Variants in SLC8A1 observed in about 807,000 individuals in gnomAD.
The protein encoded by SLC8A1 is solute carrier family 8 member A1.
A neutral mutation model predicts 68.3 loss-of-function variants in SLC8A1; 18 were observed. That is an observed-to-expected ratio of 0.26 (90% CI 0.18 to 0.39). The LOEUF is 0.39. Ranked by LOEUF, SLC8A1 falls within the 10% of genes least tolerant of loss-of-function variation. The pLI, the probability that SLC8A1 is intolerant of heterozygous loss-of-function variation, is 1.00. For missense variants in SLC8A1, 985 were observed against 1,156.7 expected (o/e 0.85, Z 2.15); for synonymous variants, 475 against 415.5 (o/e 1.14, Z -1.74).
rs1481563530 is a variant in SLC8A1 at position 40,160,761 on chromosome 2, T to G, written c.2161+4A>C. The G allele has an allele frequency of 6.2e-7, 1 of 1,612,038 alleles. No homozygotes were observed. ...ATTTATAATATGCAGAGAAAGGCAC[T>G]CACCAGCACTGACAGTGATAGCTTC... On this transcript the variant is annotated splice_donor_region_variant and intron_variant, in intron 6 of 7. Transcript: ENST00000406785.
chr2:40,254,654 C>T (rs2063589075), intron 2 of SLC8A1: 1 of 152,136 alleles, frequency 6.6e-6, no homozygotes, highest in Non-Finnish European at 1.5e-5. Context: ...AACACATACA[C>T]TCCAAGGTAA....
At chr2:40,162,925 G>T (rs909165893) in intron 5 of SLC8A1, among the ~76,000 whole-genome samples, 4 of 152,146 alleles carry the variant, frequency 2.6e-5, no homozygotes, top group Non-Finnish European at 2.9e-5. Flanking sequence ...ACAGTTCTGG[G>T]AGCTCTGAGT....
intron 2 of SLC8A1, among the ~76,000 whole-genome samples, chr2:40,344,513 T>C (rs1178729179): frequency 6.6e-6 from 1 of 152,170 alleles, no homozygotes; most frequent in Non-Finnish European, 1.5e-5. Flanking sequence ...TCTGGGAAAG[T>C]TCATCTTTGA....
chr2:40,265,073 A>AG (rs1559021801), intron 2 of SLC8A1, among the ~76,000 whole-genome samples: 1 of 152,112 alleles, frequency 6.6e-6, no homozygotes, highest in African/African-American at 2.4e-5. Flanking sequence ...CTTGGTGAAA[A>AG]TCTTCAAGTC....
At chr2:40,278,735 G>A (rs764343798) in intron 2 of SLC8A1, among the ~76,000 whole-genome samples, 13 of 151,850 alleles carry the variant, frequency 8.6e-5, no homozygotes, top group Middle Eastern at 6.3e-3. Context: ...ACTTCATCTC[G>A]CTTTTCTTTC....
chr2:40,151,357 AT>A (rs1415739072), intron 6 of SLC8A1, among the ~76,000 whole-genome samples: 1 of 152,140 alleles, frequency 6.6e-6, no homozygotes, highest in Non-Finnish European at 1.5e-5. Context: ...TTATATACGG[AT>A]TGGAAAACTT....
At chr2:40,354,481 A>G (rs1672081286) in intron 2 of SLC8A1, among the ~76,000 whole-genome samples, 3 of 152,134 alleles carry the variant, frequency 2.0e-5, no homozygotes, top group African/African-American at 7.2e-5. Flanking sequence ...TGGTTGTGGC[A>G]TTTGTGTCAA....
At chr2:40,499,246 G>A (rs1705900066) in intron 1 of SLC8A1, among the ~76,000 whole-genome samples, 1 of 152,022 alleles carries the variant, frequency 6.6e-6, no homozygotes, top group South Asian at 2.1e-4. Context: ...GGATAACATT[G>A]ACTTTAGAGT....
At chr2:40,497,037 C>A (rs555437055) in intron 1 of SLC8A1, among the ~76,000 whole-genome samples, 1 of 151,278 alleles carries the variant, frequency 6.6e-6, no homozygotes, top group Non-Finnish European at 1.5e-5. Flanking sequence ...AACTAACCTG[C>A]ACAATGTGCA....
chr2:40,391,185 A>AAATATTACACACACACG (rs1278116845), intron 2 of SLC8A1, among the ~76,000 whole-genome samples: 10 of 149,270 alleles, frequency 6.7e-5, no homozygotes, highest in African/African-American at 2.5e-4. Flanking sequence ...GTGTGTGTAT[A>AAATATTACACACACACG]TATATTACAC....
chr2:40,294,573 G>C (rs974067140), intron 2 of SLC8A1, among the ~76,000 whole-genome samples: 2 of 151,990 alleles, frequency 1.3e-5, no homozygotes, highest in African/African-American at 4.8e-5. Flanking sequence ...GAGAGAGAGA[G>C]GGATACATTC....
In SLC8A1 at chr2:40,482,647, G is replaced by T. The variant is rs75748634; in HGVS notation, c.-25+29702C>A. 7.0e-3 allele frequency among the ~76,000 whole-genome samples: 1,072 copies of T among 152,164 alleles called. 16 individuals carry two copies. Among genetic ancestry groups the T allele is most frequent in the African/African-American group, 0.025 (1,024 of 41,488 alleles). On this transcript the variant is annotated intron_variant, in intron 1 of 7. Coordinates refer to the SLC8A1 transcript ENST00000402441. Reference sequence around the variant, plus strand: ...ACACAGCTGGTAAGTGGCAGAGTGGGGATTTGAATCCAGACAGCCTGTCTC... The same window carrying T: ...ACACAGCTGGTAAGTGGCAGAGTGGTGATTTGAATCCAGACAGCCTGTCTC...
Position 40,170,277 on chromosome 2 carries a change from G to A in SLC8A1, c.1930+4548C>T. ...GTTTTCAAGGATCATGATGAAATGAGTACCTGCAATGGTGATTACAGTAGA... is the reference window on the plus strand; with the variant it reads ...GTTTTCAAGGATCATGATGAAATGAATACCTGCAATGGTGATTACAGTAGA... On this transcript the variant is annotated intron_variant, in intron 4 of 7. Transcript: ENST00000406785. 2.5e-6 allele frequency: 4 copies of A among 1,612,774 alleles called. No homozygotes were observed. Among genetic ancestry groups the A allele is most frequent in the Non-Finnish European group, 2.5e-6 (3 of 1,178,878 alleles).
intron 2 of SLC8A1, among the ~76,000 whole-genome samples, chr2:40,406,000 C>A (rs577922421): frequency 6.6e-6 from 1 of 152,262 alleles, no homozygotes; most frequent in South Asian, 2.1e-4. Flanking sequence ...TGTAATATGT[C>A]TTCCATCACT....
At chr2:40,327,391 C>G (rs1371579678) in intron 2 of SLC8A1, among the ~76,000 whole-genome samples, 1 of 152,086 alleles carries the variant, frequency 6.6e-6, no homozygotes, top group African/African-American at 2.4e-5. Flanking sequence ...AGAATAAAGT[C>G]CCAAAAGAGG....
chr2:40,132,841 T>A (rs1040470080), intron 7 of SLC8A1, among the ~76,000 whole-genome samples: 2 of 152,200 alleles, frequency 1.3e-5, no homozygotes, highest in African/African-American at 4.8e-5. Context: ...ATAAAGTATA[T>A]ACAGTGCTTA....
At chr2:40,443,557 C>T (rs1307434249) in intron 1 of SLC8A1, among the ~76,000 whole-genome samples, 1 of 152,106 alleles carries the variant, frequency 6.6e-6, no homozygotes, top group Admixed American at 6.6e-5. Context: ...TTGGAAGGGA[C>T]AAAAAGTAGC....
exon 8 of SLC8A1, chr2:40,114,966 A>G (rs901176234): frequency 1.1e-5 from 2 of 189,472 alleles, no homozygotes; most frequent in Admixed American, 1.2e-4. Flanking sequence ...AAAACCAAAA[A>G]CAAAACAAAT....
At chr2:40,201,150 T>C (rs1226950182) in intron 2 of SLC8A1, among the ~76,000 whole-genome samples, 2 of 151,776 alleles carry the variant, frequency 1.3e-5, no homozygotes, top group Non-Finnish European at 2.9e-5. Context: ...CCATAAATAA[T>C]GTACTTCTCC....
Sources: gnomAD v4.1 joint callset for allele counts (sites outside exome capture counted in the v4.1 genomes callset) on GRCh38, gnomAD v4.1.1 for gene constraint, MANE v1.5 for transcripts, NCBI Gene and HGNC (gene_info 2026-07-23, HGNC 2026-07-21) for gene names.